Variants in CACNB4 observed in about 807,000 individuals in gnomAD.
The protein encoded by CACNB4 is voltage-dependent L-type calcium channel subunit beta-4.
Under a neutral mutation model 71.2 loss-of-function variants are expected in CACNB4, and 32 were observed. The ratio of observed to expected loss-of-function variants is 0.45; its 90% CI spans 0.34 to 0.60. The LOEUF (loss-of-function observed/expected upper bound fraction) is 0.60, where lower values mean the gene tolerates loss of function less well. Ranked by LOEUF, CACNB4 falls within the 20% of genes least tolerant of loss-of-function variation. CACNB4 has a pLI of 0.01. For synonymous variants in CACNB4, 231 were observed against 236.9 expected, an observed-to-expected ratio of 0.97 and a Z score of 0.23; for missense variants, 464 against 647.9, an observed-to-expected ratio of 0.72 and a Z score of 3.08.
At chr2:151,916,022 AGCTGGGCTGCG>A (rs2099857433) in intron 2 of CACNB4, among the ~76,000 whole-genome samples, 2 of 54,072 alleles carry the variant, frequency 3.7e-5, no homozygotes, top group South Asian at 6.1e-4. Flanking sequence ...TGTGGCTCTC[AGCTGGGCTGCG>A]GTACTACACT....
At chr2:151,918,642 G>C (rs2099858155) in intron 2 of CACNB4, among the ~76,000 whole-genome samples, 1 of 152,200 alleles carries the variant, frequency 6.6e-6, no homozygotes, top group African/African-American at 2.4e-5. Flanking sequence ...CTGTGGCTAT[G>C]GTGCATACAG....
At chr2:151,855,897 G>T (rs886750312) in intron 10 of CACNB4, among the ~76,000 whole-genome samples, 1 of 151,834 alleles carries the variant, frequency 6.6e-6, no homozygotes, top group African/African-American at 2.4e-5. Context: ...CTGGTTAATT[G>T]TTCTGAGTCT....
At chr2:152,030,328 T>G (rs1684215680) in intron 2 of CACNB4, among the ~76,000 whole-genome samples, 1 of 152,240 alleles carries the variant, frequency 6.6e-6, no homozygotes, top group Non-Finnish European at 1.5e-5. Context: ...TTACATTTTT[T>G]CATCAATATT....
At position 151,841,943 on chromosome 2, in the gene CACNB4, G is replaced by A. The variant is rs769896776; in HGVS notation, c.1262C>T (p.Thr421Met). 23 of 1,613,766 alleles carry A rather than the reference G, an allele frequency of 1.4e-5. No homozygotes were observed. The highest frequency in any genetic ancestry group is 5.0e-5 in the Admixed American group (3 of 59,992). Residue 421 changes from threonine (T) to methionine (M), a missense_variant, in exon 13 of 14, where the codon ACG (threonine) becomes ATG (methionine). Physicochemically the swap from Thr to Met is moderately conservative, Grantham distance 81 (BLOSUM62 -1). Around this residue, in one of 3 missense-constraint regions of CACNB4, gnomAD observed 115 missense variants for 128.8 expected, o/e 0.89. Transcript: ENST00000539935. ...TGCTGTGGGATATGGTGAGAGTGCC[G>A]TGGAGCCCAAATTCCTTCCCAGCAG... is the stretch of plus-strand genomic sequence containing the variant. The part of the protein sequence containing the change: ...TPLLGRNLGS[T>M]ALSPYPTAIS...
At chr2:152,035,603 T>TTC (rs1208555347) in intron 2 of CACNB4, among the ~76,000 whole-genome samples, 35 of 69,750 alleles carry the variant, frequency 5.0e-4, no homozygotes, top group East Asian at 8.9e-4. Flanking sequence ...CTCTCTCTCT[T>TTC]TCTCTCTCTC....
At chr2:151,957,389 T>C (rs1424241022) in intron 2 of CACNB4, among the ~76,000 whole-genome samples, 1 of 151,918 alleles carries the variant, frequency 6.6e-6, no homozygotes, top group Non-Finnish European at 1.5e-5. Flanking sequence ...GAATTAAAGT[T>C]ATTGAATTTC....
chr2:151,875,939 A>ACCTC (rs2099846070), intron 5 of CACNB4, among the ~76,000 whole-genome samples: 1 of 5,586 alleles, frequency 1.8e-4, no homozygotes, highest in Non-Finnish European at 5.5e-4. Context: ...GGCACCCCTC[A>ACCTC]CCTCCCGGAC....
At chr2:152,011,457 T>A (rs989735743) in intron 2 of CACNB4, among the ~76,000 whole-genome samples, 1 of 152,200 alleles carries the variant, frequency 6.6e-6, no homozygotes, top group Non-Finnish European at 1.5e-5. Flanking sequence ...AGAAATCAAC[T>A]ATGTTGCTAA....
chr2:152,035,514 C>A (rs562022399), intron 2 of CACNB4, among the ~76,000 whole-genome samples: 1 of 152,050 alleles, frequency 6.6e-6, no homozygotes, highest in Non-Finnish European at 1.5e-5. Flanking sequence ...GAGCTGAGAT[C>A]GTGCCATTGC....
intron 2 of CACNB4, among the ~76,000 whole-genome samples, chr2:152,070,068 C>T (rs1686596786): frequency 6.6e-6 from 1 of 152,108 alleles, no homozygotes. Context: ...TGGTCTCGAT[C>T]TCCTGACCTC....
At chr2:151,896,190 G>A (rs954183828) in intron 2 of CACNB4, among the ~76,000 whole-genome samples, 14 of 152,132 alleles carry the variant, frequency 9.2e-5, no homozygotes, top group African/African-American at 3.1e-4. Flanking sequence ...GAGGCCCAGG[G>A]GCCCCAACAG....
intron 2 of CACNB4, among the ~76,000 whole-genome samples, chr2:152,029,567 C>T (rs1222658253): frequency 6.6e-6 from 1 of 151,318 alleles, no homozygotes; most frequent in Non-Finnish European, 1.5e-5. Context: ...CTCTCTGCCA[C>T]ATGAAGACAC....
chr2:151,937,334 T>A (rs982483721), intron 2 of CACNB4, among the ~76,000 whole-genome samples: 1 of 152,220 alleles, frequency 6.6e-6, no homozygotes, highest in Non-Finnish European at 1.5e-5. Flanking sequence ...GAGTTTCATT[T>A]AATGCTGCCT....
chr2:152,079,203 C>T (rs868523965), intron 2 of CACNB4, among the ~76,000 whole-genome samples: 2 of 152,118 alleles, frequency 1.3e-5, no homozygotes, highest in Non-Finnish European at 2.9e-5. Context: ...ATTCTCCTGC[C>T]TCAGCCTCCC....
intron 2 of CACNB4, among the ~76,000 whole-genome samples, chr2:151,926,154 A>T (rs2099860198): frequency 6.6e-6 from 1 of 152,224 alleles, no homozygotes; most frequent in African/African-American, 2.4e-5. Context: ...AAGAGAAGAC[A>T]TTGAAGGACT....
intron 2 of CACNB4, among the ~76,000 whole-genome samples, chr2:152,091,043 C>CAA (rs747321169): frequency 4.1e-5 from 5 of 122,264 alleles, no homozygotes; most frequent in African/African-American, 8.8e-5. Context: ...GACTCCATCT[C>CAA]AAAAAAAAAA....
Position 152,098,748 on chromosome 2 carries a change from GGAGGAGGAGGAA to G in CACNB4, c.63+189_63+200del. The G allele has an allele frequency of 1.4e-6, 2 of 1,428,134 alleles. No homozygotes were observed. Among genetic ancestry groups the G allele is most frequent in the Non-Finnish European group, 1.9e-6 (2 of 1,049,246 alleles). The allele number at this position is 1,428,134 out of a possible 1,614,324, so 88.5% of individuals were successfully genotyped here. A position where few individuals can be genotyped will look rare whatever the true frequency, so the allele number is the denominator to read the frequency against. On this transcript the variant is annotated intron_variant, in intron 1 of 13. Transcript: ENST00000539935. The surrounding 1 kb of genome is among the most constrained non-coding windows in gnomAD (Gnocchi z 5.3). ...AGCGCAGAGACCCGAAGGAGGGTGAGGAGGAGGAGGAAGAGAAGGAGGAGAAAGAGGAGGAGC... is the reference window on the plus strand; with the variant it reads ...AGCGCAGAGACCCGAAGGAGGGTGAGGAGAAGGAGGAGAAAGAGGAGGAGC...
At chr2:152,035,651 C>CTCTCTATATATATA (rs796161186) in intron 2 of CACNB4, among the ~76,000 whole-genome samples, 3 of 118,040 alleles carry the variant, frequency 2.5e-5, no homozygotes, top group African/African-American at 7.3e-5. Flanking sequence ...CTCTCTCTCT[C>CTCTCTATATATATA]TATATATATA....
chr2:151,958,640 TA>T (rs2099868910), intron 2 of CACNB4, among the ~76,000 whole-genome samples: 1 of 152,194 alleles, frequency 6.6e-6, no homozygotes, highest in Non-Finnish European at 1.5e-5. Flanking sequence ...ATGACTTAAA[TA>T]TTTTTTCAGT....
Sources: allele counts gnomAD v4.1 joint callset (sites outside exome capture counted in the v4.1 genomes callset), GRCh38; gene constraint gnomAD v4.1.1; regional missense constraint gnomAD v4.1.1; non-coding constraint Gnocchi (gnomAD v3.1); transcripts MANE v1.5; gene names NCBI Gene and HGNC (gene_info 2026-07-23, HGNC 2026-07-21).